The following PTPRD variants were observed in gnomAD, a reference collection of about 807,000 sequenced individuals.
PTPRD encodes the protein receptor-type tyrosine-protein phosphatase delta.
In PTPRD, 34 loss-of-function variants were observed where a neutral mutation model predicts 214.5. The ratio of observed to expected loss-of-function variants is 0.16; its 90% CI spans 0.12 to 0.21. The LOEUF (loss-of-function observed/expected upper bound fraction) is 0.21, where lower values mean the gene tolerates loss of function less well. Ranked by LOEUF, PTPRD falls within the 10% of genes least tolerant of loss-of-function variation. PTPRD has a pLI of 1.00. For synonymous variants in PTPRD, 1,128 were observed against 845.7 expected (o/e 1.33, Z -5.79); for missense variants, 2,545 against 2,398.7 (o/e 1.06, Z -1.27).
rs869105633 is a variant in PTPRD, at chr9:9,651,826, G to GTTTTT, written c.-286-77050_-286-77046dup. Reference sequence around the variant, plus strand: ...CTGCCTTTGTATTTATTCAAGGTTTGTTTTTTTTTTTTTTTTTTTTTTTTT... The same window carrying GTTTTT: ...CTGCCTTTGTATTTATTCAAGGTTTGTTTTTTTTTTTTTTTTTTTTTTTTTTTTTT... On this transcript the variant is annotated intron_variant, in intron 7 of 45. Transcript: ENST00000381196. Among the ~76,000 whole-genome samples, 57 of 55,070 alleles carry GTTTTT rather than the reference G, an allele frequency of 1.0e-3. 4 individuals are homozygous for GTTTTT. The highest frequency in any genetic ancestry group is 1.5e-3 in the Non-Finnish European group (42 of 28,766). 36.1% of individuals were successfully genotyped at this position (55,070 alleles called of 152,430 possible).
intron 9 of PTPRD, among the ~76,000 whole-genome samples, chr9:9,184,643 T>C (rs1159626919): frequency 1.3e-5 from 2 of 152,066 alleles, no homozygotes; most frequent in Admixed American, 1.3e-4. Context: ...TGGGTGTTTA[T>C]TATAGCACTT....
At chr9:9,901,908 C>T (rs1472574909) in intron 5 of PTPRD, among the ~76,000 whole-genome samples, 2 of 152,146 alleles carry the variant, frequency 1.3e-5, no homozygotes, top group African/African-American at 4.8e-5. Context: ...CGAGAACTCG[C>T]TCACCATCAT....
At chr9:9,921,568 T>C (rs1423604086) in intron 5 of PTPRD, among the ~76,000 whole-genome samples, 1 of 151,748 alleles carries the variant, frequency 6.6e-6, no homozygotes, top group East Asian at 1.9e-4. Context: ...CAAGAGAACT[T>C]ACAAATTACA....
chr9:9,091,743 A>C (rs1169972354), intron 10 of PTPRD, among the ~76,000 whole-genome samples: 6 of 152,232 alleles, frequency 3.9e-5, no homozygotes, highest in Non-Finnish European at 7.3e-5. Flanking sequence ...TAACAGAACC[A>C]GCCAATATAG....
At chr9:9,203,224 C>G (rs1288240789) in intron 9 of PTPRD, among the ~76,000 whole-genome samples, 2 of 151,890 alleles carry the variant, frequency 1.3e-5, no homozygotes, top group African/African-American at 4.8e-5. Flanking sequence ...GAGCGAGACT[C>G]CATCAGACAC....
chr9:8,736,797 G>T (rs2090525286), intron 11 of PTPRD, among the ~76,000 whole-genome samples: 1 of 151,738 alleles, frequency 6.6e-6, no homozygotes, highest in African/African-American at 2.4e-5. Context: ...TTCCAAATCA[G>T]CTATTGTTAT....
intron 5 of PTPRD, among the ~76,000 whole-genome samples, chr9:9,906,318 C>G (rs2077555155): frequency 6.6e-6 from 1 of 151,950 alleles, no homozygotes; most frequent in Non-Finnish European, 1.5e-5. Context: ...GTATGTGATA[C>G]AGCTCTAGGT....
intron 7 of PTPRD, among the ~76,000 whole-genome samples, chr9:9,675,285 G>C (rs763804274): frequency 4.0e-4 from 61 of 151,834 alleles, no homozygotes; most frequent in Non-Finnish European, 8.3e-4. Context: ...GCAGTAAAAG[G>C]ACTTTCAGAG....
At chr9:9,689,783 C>T (rs2154402862) in intron 7 of PTPRD, among the ~76,000 whole-genome samples, 1 of 151,944 alleles carries the variant, frequency 6.6e-6, no homozygotes, top group East Asian at 1.9e-4. Context: ...ATAATGACCT[C>T]CAGTTCCGTA....
intron 3 of PTPRD, among the ~76,000 whole-genome samples, chr9:10,298,395 G>A (rs1418995183): frequency 6.6e-6 from 1 of 151,984 alleles, no homozygotes; most frequent in African/African-American, 2.4e-5. Context: ...AGTACGATAT[G>A]ATCCTTGCCA....
chr9:9,789,604 T>C (rs929902250), intron 5 of PTPRD, among the ~76,000 whole-genome samples: 18 of 151,780 alleles, frequency 1.2e-4, no homozygotes, highest in African/African-American at 4.3e-4. Context: ...AAGACTATCC[T>C]GGCTAACACG....
chr9:8,803,160 C>G (rs1242709485), intron 11 of PTPRD, among the ~76,000 whole-genome samples: 1 of 152,130 alleles, frequency 6.6e-6, no homozygotes, highest in Admixed American at 6.5e-5. Flanking sequence ...GCAATTGACA[C>G]ATAGTCATCT....
chr9:9,745,729 A>G (rs1426094291), intron 6 of PTPRD, among the ~76,000 whole-genome samples: 10 of 152,048 alleles, frequency 6.6e-5, no homozygotes, highest in South Asian at 4.1e-4. Context: ...TCTGGCCTCA[A>G]TTTTGTTTTC....
At chr9:8,669,455 A>C (rs2097235366) in intron 12 of PTPRD, among the ~76,000 whole-genome samples, 1 of 152,122 alleles carries the variant, frequency 6.6e-6, no homozygotes. Context: ...TGTACCAGGG[A>C]GAAGGATGTG....
In PTPRD at chr9:8,436,727, A is replaced by T. The variant is rs1489299765; in HGVS notation, c.3989-38T>A. 7 of 1,499,012 alleles carry T rather than the reference A, an allele frequency of 4.7e-6. No individual in the cohort carries two copies. The Admixed American group carries it at 1.2e-4, about 25-fold the overall frequency. 92.9% of individuals were successfully genotyped at this position (1,499,012 alleles called of 1,614,324 possible). Reference sequence around the variant, plus strand: ...GCAAAGAAGAAACACATTTGAAAACAAATGAAAATGATGCTAACTATTCCA... The same window carrying T: ...GCAAAGAAGAAACACATTTGAAAACTAATGAAAATGATGCTAACTATTCCA... On this transcript the variant is annotated intron_variant, in intron 34 of 45. Coordinates refer to ENST00000381196, the MANE Select transcript of PTPRD (RefSeq NM_002839.4).
At chr9:8,373,676 T>G (rs11999568) in intron 39 of PTPRD, among the ~76,000 whole-genome samples, 2,195 of 150,864 alleles carry the variant, frequency 0.015, 46 homozygotes, top group African/African-American at 0.051. Flanking sequence ...AAATAAGGCA[T>G]TACAGCTATT....
chr9:9,689,660 C>T (rs932315024), intron 7 of PTPRD, among the ~76,000 whole-genome samples: 9 of 151,816 alleles, frequency 5.9e-5, no homozygotes, highest in African/African-American at 1.9e-4. Context: ...CTCTTCATGG[C>T]CTCTGCTAAC....
chr9:8,501,790 A>C (rs1236515701), intron 23 of PTPRD, among the ~76,000 whole-genome samples: 2 of 152,212 alleles, frequency 1.3e-5, no homozygotes, highest in Non-Finnish European at 2.9e-5. Context: ...AGGATTGTTG[A>C]TTCTGACTGT....
chr9:9,822,566 C>T (rs2153577479), intron 5 of PTPRD, among the ~76,000 whole-genome samples: 2 of 149,248 alleles, frequency 1.3e-5, no homozygotes, highest in African/African-American at 4.9e-5. Flanking sequence ...AGTATCATAT[C>T]ATCCATTTAT....
Sources: gnomAD v4.1 joint callset for allele counts (sites outside exome capture counted in the v4.1 genomes callset) on GRCh38, gnomAD v4.1.1 for gene constraint, MANE v1.5 for transcripts, NCBI Gene and HGNC (gene_info 2026-07-23, HGNC 2026-07-21) for gene names.